MACROD2: variants seen among roughly 807,000 people sequenced by gnomAD.
MACROD2 encodes the protein ADP-ribose glycohydrolase MACROD2.
MACROD2 carries 36 observed loss-of-function variants against 70.4 expected under a neutral mutation model. That is an observed-to-expected ratio of 0.51 (90% CI 0.39 to 0.68). The LOEUF (loss-of-function observed/expected upper bound fraction) is 0.68. MACROD2 is among the 30% of genes least tolerant of loss of function. The probability of loss-of-function intolerance (pLI) is 0.00; values close to 1 mark genes in which losing one functional copy is unlikely to be tolerated. For missense variants in MACROD2, 496 were observed against 538.4 expected (o/e 0.92, Z 0.78); for synonymous variants, 172 against 178.8 (o/e 0.96, Z 0.30).
At position 14,638,046 on chromosome 20, in the gene MACROD2, A is replaced by G. The variant is rs1249906897; in HGVS notation, c.302-46797A>G. 3.1e-4 allele frequency among the ~76,000 whole-genome samples: 47 copies of G among 151,806 alleles called. 1 individual carries two copies. The highest frequency in any genetic ancestry group is 3.1e-3 in the Admixed American group (47 of 15,230). On this transcript the variant is annotated intron_variant, in intron 4 of 17. Coordinates refer to ENST00000684519, the MANE Select transcript of MACROD2 (RefSeq NM_001351661.2). ...CTTTCTGGGTTTTTTTTTCTGTAGT[A>G]AAAGGCAGGATGGGAAGAAAAAGTA...
chr20:15,159,733 G>A (rs918820646), intron 5 of MACROD2, among the ~76,000 whole-genome samples: 1 of 151,470 alleles, frequency 6.6e-6, no homozygotes, highest in African/African-American at 2.4e-5. Context: ...AGTAGAGGTG[G>A]TATAACACAC....
At chr20:15,400,648 G>A (rs971160260) in intron 6 of MACROD2, among the ~76,000 whole-genome samples, 1 of 152,120 alleles carries the variant, frequency 6.6e-6, no homozygotes, top group African/African-American at 2.4e-5. Context: ...TGGAAGGGGG[G>A]TTCAAGGTGC....
At chr20:15,348,338 G>A (rs946287548) in intron 6 of MACROD2, among the ~76,000 whole-genome samples, 9 of 152,308 alleles carry the variant, frequency 5.9e-5, no homozygotes, top group African/African-American at 9.6e-5. Flanking sequence ...TTTAGCATTA[G>A]CATTGTTGTA....
At chr20:15,113,918 C>A (rs984932310) in intron 5 of MACROD2, among the ~76,000 whole-genome samples, 11 of 152,034 alleles carry the variant, frequency 7.2e-5, no homozygotes, top group Non-Finnish European at 1.5e-4. Context: ...ATTTGGAGAT[C>A]TTTCCTCTTG....
chr20:14,429,959 TC>T (rs1367260160), intron 3 of MACROD2, among the ~76,000 whole-genome samples: 1 of 152,202 alleles, frequency 6.6e-6, no homozygotes, highest in African/African-American at 2.4e-5. Flanking sequence ...TTCTTTCTTT[TC>T]TCGCTTTCCA....
chr20:15,281,307 A>G (rs2077442349), intron 6 of MACROD2, among the ~76,000 whole-genome samples: 1 of 152,194 alleles, frequency 6.6e-6, no homozygotes, highest in Admixed American at 6.5e-5. Context: ...TATCTTCCCA[A>G]CAGTCCCCCA....
chr20:15,671,501 A>T (rs1331317808), intron 8 of MACROD2, among the ~76,000 whole-genome samples: 1 of 152,192 alleles, frequency 6.6e-6, no homozygotes, highest in African/African-American at 2.4e-5. Flanking sequence ...TTGTTACTGA[A>T]CATCATAAAG....
intron 5 of MACROD2, among the ~76,000 whole-genome samples, chr20:14,766,950 C>T (rs1401242391): frequency 6.6e-6 from 1 of 152,028 alleles, no homozygotes; most frequent in African/African-American, 2.4e-5. Context: ...CCCAGTAAGC[C>T]GTTGGTATAA....
chr20:14,292,778 G>A (rs1246827060), intron 3 of MACROD2, among the ~76,000 whole-genome samples: 1 of 151,712 alleles, frequency 6.6e-6, no homozygotes, highest in African/African-American at 2.4e-5. Flanking sequence ...GGGATTACAG[G>A]TGCCTGCCAC....
chr20:15,811,987 G>T (rs1397273113), intron 8 of MACROD2, among the ~76,000 whole-genome samples: 2 of 152,182 alleles, frequency 1.3e-5, no homozygotes, highest in Non-Finnish European at 2.9e-5. Flanking sequence ...AGGACAGGTA[G>T]CCAGGAAGGA....
At chr20:14,812,576 TAAATA>T (rs2072728469) in intron 5 of MACROD2, among the ~76,000 whole-genome samples, 1 of 151,908 alleles carries the variant, frequency 6.6e-6, no homozygotes, top group Non-Finnish European at 1.5e-5. Flanking sequence ...TAATAATAAA[TAAATA>T]AATATAAAAT....
chr20:15,306,104 C>A (rs1318822848), intron 6 of MACROD2, among the ~76,000 whole-genome samples: 2 of 152,110 alleles, frequency 1.3e-5, no homozygotes, highest in Non-Finnish European at 2.9e-5. Flanking sequence ...AATCCTCTTT[C>A]CAATTTAATG....
chr20:15,177,900 C>G (rs1313492058), intron 5 of MACROD2, among the ~76,000 whole-genome samples: 1 of 150,948 alleles, frequency 6.6e-6, no homozygotes, highest in Non-Finnish European at 1.5e-5. Context: ...ATTTGCTTAC[C>G]CTAGATGCAC....
intron 5 of MACROD2, among the ~76,000 whole-genome samples, chr20:15,083,370 T>G (rs771441138): frequency 7.9e-5 from 12 of 152,166 alleles, no homozygotes; most frequent in Non-Finnish European, 1.2e-4. Flanking sequence ...TCATTCCCTA[T>G]TTTATTCTTT....
rs1362143026 is a variant in MACROD2, at chr20:16,053,097, T to A, written c.*3221T>A. ...TGGACTGCTTCTAAATCTGTTTGTTTCTTTTCATCTGTGCCATACACTAAA... is the reference window on the plus strand; with the variant it reads ...TGGACTGCTTCTAAATCTGTTTGTTACTTTTCATCTGTGCCATACACTAAA... On this transcript the variant is annotated 3_prime_UTR_variant, in exon 18 of 18. Coordinates refer to ENST00000684519, the MANE Select transcript of MACROD2 (RefSeq NM_001351661.2). 3 of 152,554 alleles carry A rather than the reference T, an allele frequency of 2.0e-5. No homozygotes were observed. Among genetic ancestry groups the A allele is most frequent in the Non-Finnish European group, 4.4e-5 (3 of 68,042 alleles). The allele number at this position is 152,554 out of a possible 1,614,324, so 9.5% of individuals were successfully genotyped here.
intron 3 of MACROD2, among the ~76,000 whole-genome samples, chr20:14,367,355 C>T (rs1021144195): frequency 6.6e-6 from 1 of 152,130 alleles, no homozygotes; most frequent in Non-Finnish European, 1.5e-5. Flanking sequence ...CATGCAGTTA[C>T]TTTTACTAGA....
At chr20:14,208,154 G>T (rs1223910503) in intron 3 of MACROD2, among the ~76,000 whole-genome samples, 1 of 152,154 alleles carries the variant, frequency 6.6e-6, no homozygotes, top group African/African-American at 2.4e-5. Flanking sequence ...GTTGTTGAAG[G>T]TGATTTGGGG....
At chr20:15,214,899 T>C (rs926625223) in intron 5 of MACROD2, among the ~76,000 whole-genome samples, 1 of 152,192 alleles carries the variant, frequency 6.6e-6, no homozygotes, top group Non-Finnish European at 1.5e-5. Context: ...AGCTGCCTAA[T>C]GTGTTTCTGC....
At chr20:15,743,600 T>A (rs551872525) in intron 8 of MACROD2, among the ~76,000 whole-genome samples, 32 of 152,268 alleles carry the variant, frequency 2.1e-4, no homozygotes, top group African/African-American at 7.2e-4. Context: ...AATTGACTAA[T>A]CTGTTTTTTG....
Sources: gnomAD v4.1 joint callset for allele counts (sites outside exome capture counted in the v4.1 genomes callset) on GRCh38, gnomAD v4.1.1 for gene constraint, MANE v1.5 for transcripts, NCBI Gene and HGNC (gene_info 2026-07-23, HGNC 2026-07-21) for gene names.